The following PRKAR1A variants were observed in gnomAD, a reference collection of about 807,000 sequenced individuals.
PRKAR1A encodes the protein protein kinase cAMP-dependent type I regulatory subunit alpha.
In PRKAR1A, 3 loss-of-function variants were observed where a neutral mutation model predicts 52.0. That is an observed-to-expected ratio of 0.06 (90% CI 0.03 to 0.15). The LOEUF (loss-of-function observed/expected upper bound fraction) is 0.15. Ranked by LOEUF, PRKAR1A falls within the 10% of genes least tolerant of loss-of-function variation. The pLI is 1.00. For missense variants in PRKAR1A, 240 were observed against 477.4 expected, an observed-to-expected ratio of 0.50 and a Z score of 4.63; for synonymous variants, 188 against 168.4, an observed-to-expected ratio of 1.12 and a Z score of -0.90.
the PRKAR1A span, chr17:68,457,528 CCCCGCCCCGTCCCCA>C: frequency 2.4e-5 from 7 of 289,424 alleles, no homozygotes; most frequent in African/African-American, 2.3e-4. Context: ...CCCGCCCCTA[CCCCGCCCCGTCCCCA>C]CCCCGCCCCT....
the PRKAR1A span, chr17:68,457,517 C>T: frequency 1.4e-6 from 1 of 739,558 alleles, no homozygotes; most frequent in Admixed American, 7.9e-5. Context: ...GCCGGTCCTG[C>T]CCCGCCCCTA....
chr17:68,420,622 TC>T, the PRKAR1A span: 1 of 853,194 alleles, frequency 1.2e-6, no homozygotes, highest in Non-Finnish European at 1.8e-6. Flanking sequence ...CTGTCCCTCC[TC>T]CACGCCGACC....
rs2086214455 is a variant in PRKAR1A, at chr17:68,539,926, G to A, written c.973+9925G>A. On this transcript the variant is annotated intron_variant, in intron 11 of 11. Transcript: ENST00000585981. ...GGTGAATAAGGAACCCATCATCCCC[G>A]AACTTGGTGAACATCTCATAATGGT... 2 of 1,614,182 alleles carry A rather than the reference G, an allele frequency of 1.2e-6. No homozygotes were observed. The highest frequency in any genetic ancestry group is 8.5e-7 in the Non-Finnish European group (1 of 1,180,032).
chr17:68,472,380 C>T, the PRKAR1A span, among the ~76,000 whole-genome samples: 1 of 152,164 alleles, frequency 6.6e-6, no homozygotes, highest in African/African-American at 2.4e-5. Context: ...GTGGAACTCC[C>T]AGGAACTTTC....
the PRKAR1A span, among the ~76,000 whole-genome samples, chr17:68,497,435 T>C: frequency 6.6e-6 from 1 of 152,232 alleles, no homozygotes; most frequent in Non-Finnish European, 1.5e-5. Flanking sequence ...GTATCTGGGC[T>C]GTCCAATATG....
chr17:68,428,815 A>T, the PRKAR1A span: 1 of 1,599,762 alleles, frequency 6.3e-7, no homozygotes, highest in Non-Finnish European at 8.6e-7. Flanking sequence ...TCTTTTGAAA[A>T]GCAGTCTCTT....
intron 2 of PRKAR1A, 94 bp downstream of exon 2, chr17:68,515,670 G>A: frequency 7.2e-7 from 1 of 1,386,616 alleles, no homozygotes; most frequent in Non-Finnish European, 1.0e-6. Flanking sequence ...TGGAAGAAAA[G>A]GAATCTGACT....
the PRKAR1A span, among the ~76,000 whole-genome samples, chr17:68,463,852 G>A: frequency 6.6e-6 from 1 of 152,190 alleles, no homozygotes; most frequent in East Asian, 1.9e-4. Context: ...ACTGGAATTC[G>A]ACACAGACAG....
chr17:68,529,822 C>A, intron 9 of PRKAR1A, 98 bp from the exon 10 acceptor site: 1 of 1,121,526 alleles, frequency 8.9e-7, no homozygotes, highest in Non-Finnish European at 1.4e-6. Context: ...ATCATATGCA[C>A]ACATTTGCAA....
the PRKAR1A span, among the ~76,000 whole-genome samples, chr17:68,414,673 G>A: frequency 6.6e-6 from 1 of 152,034 alleles, no homozygotes; most frequent in East Asian, 1.9e-4. Flanking sequence ...TGTTGTTGTT[G>A]TTGTTGGTAA....
the PRKAR1A span, among the ~76,000 whole-genome samples, chr17:68,429,667 C>T: frequency 1.3e-5 from 2 of 152,118 alleles, no homozygotes; most frequent in African/African-American, 4.8e-5. Flanking sequence ...CGGCTCACTG[C>T]AACCTCCGCC....
At chr17:68,453,512 T>A in the PRKAR1A span, among the ~76,000 whole-genome samples, 2 of 148,890 alleles carry the variant, frequency 1.3e-5, no homozygotes, top group Admixed American at 1.4e-4. Flanking sequence ...GGAGTCTCGC[T>A]CTGTCACCCG....
the PRKAR1A span, chr17:68,434,612 C>G: frequency 6.2e-7 from 1 of 1,614,020 alleles, no homozygotes; most frequent in South Asian, 1.1e-5. Context: ...CAGAGAACAC[C>G]CGGATGACTG....
At chr17:68,522,281 C>T (rs1163801868) in intron 2 of PRKAR1A, among the ~76,000 whole-genome samples, 2 of 152,188 alleles carry the variant, frequency 1.3e-5, no homozygotes, top group African/African-American at 4.8e-5. Flanking sequence ...AATGAAATAA[C>T]TCAGTAATCT....
chr17:68,516,374 G>A (rs138137172), intron 2 of PRKAR1A, among the ~76,000 whole-genome samples: 204 of 152,164 alleles, frequency 1.3e-3, no homozygotes, highest in African/African-American at 4.6e-3. Flanking sequence ...TATGTGATTC[G>A]CTTCTGTAAA....
the PRKAR1A span, among the ~76,000 whole-genome samples, chr17:68,476,629 T>A: frequency 6.6e-6 from 1 of 151,674 alleles, no homozygotes; most frequent in African/African-American, 2.4e-5. Flanking sequence ...CCTCCATCCT[T>A]CCCTCTCTCC....
At chr17:68,549,955 A>G (rs1365936361) in intron 11 of PRKAR1A, among the ~76,000 whole-genome samples, 1 of 152,240 alleles carries the variant, frequency 6.6e-6, no homozygotes, top group Admixed American at 6.5e-5. Flanking sequence ...AGGAGTCTCT[A>G]TATTCAGTCC....
chr17:68,445,328 C>T, the PRKAR1A span, among the ~76,000 whole-genome samples: 1 of 152,318 alleles, frequency 6.6e-6, no homozygotes, highest in Non-Finnish European at 1.5e-5. Flanking sequence ...GTGTTTATAG[C>T]ACAGGTCTCC....
At chr17:68,452,380 C>T in the PRKAR1A span, among the ~76,000 whole-genome samples, 4 of 152,266 alleles carry the variant, frequency 2.6e-5, no homozygotes, top group East Asian at 1.9e-4. Flanking sequence ...GCCTGGCCAA[C>T]GTGGTGAAAC....
Sources: allele counts gnomAD v4.1 joint callset (sites outside exome capture counted in the v4.1 genomes callset), GRCh38; gene constraint gnomAD v4.1.1; transcripts MANE v1.5; gene names NCBI Gene and HGNC (gene_info 2026-07-23, HGNC 2026-07-21).